RAB38: variants seen among roughly 807,000 people sequenced by gnomAD.
RAB38 encodes the protein RAB38, member RAS oncogene family.
Under a neutral mutation model 18.4 loss-of-function variants are expected in RAB38, and 15 were observed. The observed-to-expected ratio is 0.82, with a 90% CI of 0.55 to 1.26. The LOEUF (loss-of-function observed/expected upper bound fraction) is 1.26, where lower values mean the gene tolerates loss of function less well. RAB38 is among the 50% of genes most tolerant of loss of function. The pLI is 0.00. For missense variants in RAB38, 294 were observed against 267.4 expected (o/e 1.10, Z -0.69); for synonymous variants, 101 against 104.4 (o/e 0.97, Z 0.20).
At chr11:87,890,006 ATTTAT>A in the RAB38 span, among the ~76,000 whole-genome samples, 1 of 151,262 alleles carries the variant, frequency 6.6e-6, no homozygotes, top group African/African-American at 2.4e-5. Context: ...TGTATGTATT[ATTTAT>A]TTAATATTTG....
chr11:87,827,236 CTT>C, the RAB38 span, among the ~76,000 whole-genome samples: 2 of 151,936 alleles, frequency 1.3e-5, no homozygotes, highest in South Asian at 2.1e-4. Context: ...GAATGGAAAA[CTT>C]ATGAATTTTT....
intron 2 of RAB38, among the ~76,000 whole-genome samples, chr11:88,116,161 C>T (rs952364740): frequency 1.3e-5 from 2 of 152,206 alleles, no homozygotes; most frequent in Non-Finnish European, 2.9e-5. Flanking sequence ...CAGGGCCTTG[C>T]TTTTTGGAAC....
the RAB38 span, among the ~76,000 whole-genome samples, chr11:88,081,185 G>A: frequency 6.6e-6 from 1 of 152,012 alleles, no homozygotes; most frequent in Non-Finnish European, 1.5e-5. Context: ...GTCATATATT[G>A]TTGGTTGAAA....
At chr11:88,173,713 G>T (rs1283616006) in intron 1 of RAB38, 4 of 969,676 alleles carry the variant, frequency 4.1e-6, no homozygotes, top group Non-Finnish European at 4.9e-6. Flanking sequence ...TACACAGAGA[G>T]AATTTTTTTA....
chr11:88,055,737 C>A, the RAB38 span, among the ~76,000 whole-genome samples: 1 of 152,130 alleles, frequency 6.6e-6, no homozygotes, highest in Non-Finnish European at 1.5e-5. Context: ...AAAAACCATG[C>A]AGCTACCCAG....
At chr11:88,147,630 C>T (rs927804853) in intron 2 of RAB38, among the ~76,000 whole-genome samples, 4 of 151,158 alleles carry the variant, frequency 2.6e-5, no homozygotes, top group African/African-American at 7.3e-5. Context: ...CGGTGGCTCA[C>T]GCCTGTAATC....
chr11:87,845,458 T>C, the RAB38 span, among the ~76,000 whole-genome samples: 57 of 152,130 alleles, frequency 3.7e-4, no homozygotes, highest in South Asian at 0.012. Flanking sequence ...AAACAAAGAA[T>C]GCACTGGATA....
the RAB38 span, among the ~76,000 whole-genome samples, chr11:88,024,559 T>TTTTATCAAAGAGATATCTACATTTCCATG: frequency 1.3e-5 from 2 of 152,178 alleles, no homozygotes; most frequent in African/African-American, 4.8e-5. Context: ...AAGGAAATCA[T>TTTTATCAAAGAGATATCTACATTTCCATG]TTTATCAAAG....
At chr11:87,958,468 C>A in the RAB38 span, among the ~76,000 whole-genome samples, 1 of 152,084 alleles carries the variant, frequency 6.6e-6, no homozygotes, top group South Asian at 2.1e-4. Flanking sequence ...TTATTCTTTC[C>A]ACTGCTAGTG....
the RAB38 span, among the ~76,000 whole-genome samples, chr11:87,873,922 G>GTATATATATATATATATATATATA: frequency 1.6e-4 from 17 of 103,104 alleles, no homozygotes; most frequent in African/African-American, 3.4e-4. Flanking sequence ...GTGTGTGTGT[G>GTATATATATATATATATATATATA]TATATATATA....
chr11:88,108,355 C>T (rs182257489), downstream of RAB38, among the ~76,000 whole-genome samples: 1 of 152,212 alleles, frequency 6.6e-6, no homozygotes, highest in East Asian at 1.9e-4. Flanking sequence ...TTGCATTGAT[C>T]CCTTTACCAT....
the RAB38 span, among the ~76,000 whole-genome samples, chr11:87,944,681 T>C: frequency 3.3e-5 from 5 of 152,184 alleles, no homozygotes; most frequent in Admixed American, 1.3e-4. Flanking sequence ...TTCTACTCTA[T>C]ACCTTCCATG....
the RAB38 span, among the ~76,000 whole-genome samples, chr11:87,974,355 G>GA: frequency 0.092 from 13,525 of 146,396 alleles, 834 homozygotes; most frequent in South Asian, 0.18. Context: ...AACCCTGAAA[G>GA]AAAAAAAAAA....
At chr11:87,813,232 G>T in the RAB38 span, among the ~76,000 whole-genome samples, 2 of 152,162 alleles carry the variant, frequency 1.3e-5, no homozygotes, top group African/African-American at 2.4e-5. Context: ...TATTTCAAGT[G>T]ATGAATTTTG....
At chr11:87,900,596 T>C in the RAB38 span, among the ~76,000 whole-genome samples, 2 of 151,356 alleles carry the variant, frequency 1.3e-5, no homozygotes, top group South Asian at 4.2e-4. Flanking sequence ...AACTCAATGT[T>C]CCCAATATTA....
At chr11:87,825,635 G>GGT in the RAB38 span, among the ~76,000 whole-genome samples, 9 of 152,090 alleles carry the variant, frequency 5.9e-5, no homozygotes, top group African/African-American at 2.2e-4. Flanking sequence ...AAGAATCTGG[G>GGT]GTTAGGGCTT....
chr11:88,022,628 A>AC, the RAB38 span, among the ~76,000 whole-genome samples: 1 of 150,556 alleles, frequency 6.6e-6, no homozygotes, highest in African/African-American at 2.4e-5. Flanking sequence ...AAAAAAAAAA[A>AC]AAAACAACTA....
At chr11:88,004,920 A>T in the RAB38 span, among the ~76,000 whole-genome samples, 1 of 151,408 alleles carries the variant, frequency 6.6e-6, no homozygotes, top group East Asian at 1.9e-4. Context: ...ACAGGGTTAG[A>T]TTGAACAAAA....
the RAB38 span, among the ~76,000 whole-genome samples, chr11:88,020,193 A>T: frequency 1.3e-5 from 2 of 152,192 alleles, no homozygotes; most frequent in African/African-American, 2.4e-5. Flanking sequence ...TCAAGACCCA[A>T]TGATCTCTTG....
Sources: gnomAD v4.1 joint callset for allele counts (sites outside exome capture counted in the v4.1 genomes callset) on GRCh38, gnomAD v4.1.1 for gene constraint, MANE v1.5 for transcripts, NCBI Gene and HGNC (gene_info 2026-07-23, HGNC 2026-07-21) for gene names.